WDR72: variants seen among roughly 807,000 people sequenced by gnomAD.
WDR72 encodes WD repeat-containing protein 72.
In WDR72, 120 loss-of-function variants were observed where a neutral mutation model predicts 124.2. The observed-to-expected ratio is 0.97, with a 90% CI of 0.83 to 1.12. WDR72 has a LOEUF of 1.12. Ranked by LOEUF, WDR72 falls within the 50% of genes most tolerant of loss-of-function variation. The pLI is 0.00. For missense variants in WDR72, 1,387 were observed against 1,278.8 expected, an observed-to-expected ratio of 1.08 and a Z score of -1.29; for synonymous variants, 452 against 441.7, an observed-to-expected ratio of 1.02 and a Z score of -0.29.
intron 18 of WDR72, among the ~76,000 whole-genome samples, chr15:53,533,219 G>A (rs895665582): frequency 2.2e-4 from 33 of 152,098 alleles, no homozygotes; most frequent in African/African-American, 4.8e-5. Context: ...GGAAGTAATG[G>A]GGAGGACAGT....
chr15:53,657,384 G>A (rs1038204297), intron 14 of WDR72, among the ~76,000 whole-genome samples: 2 of 151,454 alleles, frequency 1.3e-5, no homozygotes, highest in African/African-American at 4.8e-5. Context: ...GAATTCATAG[G>A]TTCTAAAATA....
chr15:53,658,209 A>T (rs1446536426), intron 14 of WDR72, among the ~76,000 whole-genome samples: 1 of 152,096 alleles, frequency 6.6e-6, no homozygotes, highest in African/African-American at 2.4e-5. Flanking sequence ...ATACCTGGAA[A>T]TTTTTTTACA....
chr15:53,717,959 G>C (rs1018975028), intron 3 of WDR72, among the ~76,000 whole-genome samples: 2 of 152,080 alleles, frequency 1.3e-5, no homozygotes, highest in African/African-American at 4.8e-5. Flanking sequence ...GAGGAAGGTA[G>C]ATATTGAAAT....
intron 18 of WDR72, among the ~76,000 whole-genome samples, chr15:53,547,953 A>G (rs1448273819): frequency 1.3e-5 from 2 of 152,136 alleles, no homozygotes; most frequent in South Asian, 4.1e-4. Flanking sequence ...AAAAGAAAAG[A>G]AAAAAAAGAA....
intron 18 of WDR72, among the ~76,000 whole-genome samples, chr15:53,566,478 G>A (rs915736870): frequency 6.6e-6 from 1 of 150,558 alleles, no homozygotes; most frequent in Non-Finnish European, 1.5e-5. Context: ...GCAAGGAGTC[G>A]GGGGGTGACT....
chr15:53,690,996 T>C (rs943428228), intron 13 of WDR72, among the ~76,000 whole-genome samples: 16 of 152,186 alleles, frequency 1.1e-4, no homozygotes, highest in African/African-American at 3.9e-4. Context: ...ATAAGTATCC[T>C]AGTGAATATG....
Position 53,661,674 on chromosome 15 carries a change from A to G in WDR72, c.1962+3898T>C, listed in dbSNP as rs796946752. Among the ~76,000 whole-genome samples, 25 of 152,322 alleles carry G rather than the reference A, an allele frequency of 1.6e-4. 1 individual carries two copies. The highest frequency in any genetic ancestry group is 5.5e-4 in the African/African-American group (23 of 41,574). ...CCACATCTGTAATTTTAAATTGCCT[A>G]GTAGATACATTAAAAAAAGGAGAAA... On this transcript the variant is annotated intron_variant, in intron 14 of 19. Transcript: ENST00000360509.
chr15:53,629,745 C>T (rs1189314490), intron 14 of WDR72, among the ~76,000 whole-genome samples: 1 of 151,824 alleles, frequency 6.6e-6, no homozygotes, highest in Non-Finnish European at 1.5e-5. Flanking sequence ...TTGCCTTATT[C>T]TCATTGCCCC....
chr15:53,667,890 T>G (rs2015834414), intron 13 of WDR72, among the ~76,000 whole-genome samples: 1 of 152,234 alleles, frequency 6.6e-6, no homozygotes. Flanking sequence ...ATTTTTTTAG[T>G]GATGAAAACA....
intron 14 of WDR72, among the ~76,000 whole-genome samples, chr15:53,620,605 A>G (rs1358566484): frequency 2.6e-5 from 4 of 152,070 alleles, no homozygotes; most frequent in Non-Finnish European, 5.9e-5. Context: ...ATGAAGGTGA[A>G]TGAAACTGGA....
At chr15:53,563,831 A>G (rs1015208949) in intron 18 of WDR72, among the ~76,000 whole-genome samples, 53 of 151,832 alleles carry the variant, frequency 3.5e-4, no homozygotes, top group African/African-American at 1.3e-3. Context: ...AGGGATGGGC[A>G]TCGGAGCTCG....
At chr15:53,657,880 A>G (rs2015483198) in intron 14 of WDR72, among the ~76,000 whole-genome samples, 1 of 152,152 alleles carries the variant, frequency 6.6e-6, no homozygotes, top group South Asian at 2.1e-4. Flanking sequence ...TCACAATTAT[A>G]TTATCAGCTT....
intron 13 of WDR72, among the ~76,000 whole-genome samples, chr15:53,672,309 G>A (rs1467381464): frequency 4.0e-4 from 7 of 17,608 alleles, no homozygotes; most frequent in Admixed American, 9.5e-4. Context: ...ATTAAATGCC[G>A]ATTAAAAAAA....
intron 13 of WDR72, among the ~76,000 whole-genome samples, chr15:53,676,789 A>G (rs756355262): frequency 2.6e-4 from 40 of 152,182 alleles, no homozygotes; most frequent in Admixed American, 3.9e-4. Flanking sequence ...TTGAGCTGCT[A>G]AGTTTGTGTT....
chr15:53,616,681 A>G (rs2013781589), intron 14 of WDR72, among the ~76,000 whole-genome samples: 1 of 152,124 alleles, frequency 6.6e-6, no homozygotes, highest in Non-Finnish European at 1.5e-5. Flanking sequence ...TAAAATTGGA[A>G]GTAATTTAAA....
intron 1 of WDR72, among the ~76,000 whole-genome samples, chr15:53,748,534 C>T (rs1411078532): frequency 2.0e-5 from 3 of 152,118 alleles, no homozygotes; most frequent in Admixed American, 1.3e-4. Flanking sequence ...CATTGGGAAA[C>T]GTAGCTTTAA....
Position 53,722,825 on chromosome 15 carries a change from G to A in WDR72, c.237C>T (p.Tyr79=), listed in dbSNP as rs755286091. The A allele has an allele frequency of 1.2e-5, 20 of 1,613,106 alleles. No homozygotes were observed. In the East Asian group the frequency reaches 4.0e-4, roughly 32 times the overall value. ...ACCCATTTTCAGCAGCACTAACAAT[G>A]TAGGGCTGTTTAGAGAAGTCCCTTG... is the stretch of plus-strand genomic sequence containing the variant. The part of the protein sequence containing the change: ...ARARDFSKQP[Y]IVSAAENGEM... Residue 79 remains tyrosine (Y), a synonymous_variant, in exon 3 of 20, where the codon TAC becomes TAT. Transcript: ENST00000360509.
intron 14 of WDR72, among the ~76,000 whole-genome samples, chr15:53,616,660 T>C (rs946576815): frequency 1.3e-5 from 2 of 151,964 alleles, no homozygotes; most frequent in Non-Finnish European, 2.9e-5. Context: ...AAATGGTGCT[T>C]CCAAATTTGT....
At chr15:53,529,767 G>T (rs987858279) in intron 18 of WDR72, among the ~76,000 whole-genome samples, 15 of 151,974 alleles carry the variant, frequency 9.9e-5, no homozygotes, top group African/African-American at 3.6e-4. Flanking sequence ...TGGGGTCCAT[G>T]AAGTCATTTT....
Sources: allele counts gnomAD v4.1 joint callset (sites outside exome capture counted in the v4.1 genomes callset), GRCh38; gene constraint gnomAD v4.1.1; transcripts MANE v1.5; gene names NCBI Gene and HGNC (gene_info 2026-07-23, HGNC 2026-07-21).